Variants in CERKL observed in about 807,000 individuals in gnomAD.
CERKL encodes ceramide kinase-like protein.
Under a neutral mutation model 63.4 loss-of-function variants are expected in CERKL, and 61 were observed. The ratio of observed to expected loss-of-function variants is 0.96; its 90% CI spans 0.78 to 1.19. The LOEUF is 1.19. Among genes scored for constraint, CERKL ranks in the 50% most tolerant of loss-of-function variants. The probability of loss-of-function intolerance (pLI) is 0.00; values close to 1 mark genes in which losing one functional copy is unlikely to be tolerated. For synonymous variants in CERKL, 250 were observed against 230.5 expected (o/e 1.08, Z -0.77); for missense variants, 675 against 655.5 (o/e 1.03, Z -0.33).
chr2:181,546,328 T>C (rs1035089591), intron 10 of CERKL, among the ~76,000 whole-genome samples: 3 of 152,200 alleles, frequency 2.0e-5, no homozygotes, highest in Non-Finnish European at 2.9e-5. Flanking sequence ...CAGGGTTAGA[T>C]AAACATTGTC....
At chr2:181,627,858 C>G (rs1686780112) in intron 1 of CERKL, among the ~76,000 whole-genome samples, 1 of 152,168 alleles carries the variant, frequency 6.6e-6, no homozygotes, top group Non-Finnish European at 1.5e-5. Flanking sequence ...TTATTAGTCA[C>G]CATCTTTTCT....
intron 1 of CERKL, among the ~76,000 whole-genome samples, chr2:181,641,478 C>T (rs1295472889): frequency 3.3e-5 from 5 of 151,720 alleles, no homozygotes; most frequent in South Asian, 2.1e-4. Flanking sequence ...TATGAGCTAC[C>T]GTGGCCAGCC....
At chr2:181,596,221 T>G (rs955123929) in intron 2 of CERKL, among the ~76,000 whole-genome samples, 2 of 152,210 alleles carry the variant, frequency 1.3e-5, no homozygotes, top group Non-Finnish European at 2.9e-5. Context: ...ACTTCTTAAC[T>G]CTTATTCTCA....
At chr2:181,621,754 T>A (rs932247296) in intron 1 of CERKL, among the ~76,000 whole-genome samples, 1 of 152,212 alleles carries the variant, frequency 6.6e-6, no homozygotes, top group Non-Finnish European at 1.5e-5. Flanking sequence ...AGGTACATTA[T>A]GTAGCATGTA....
chr2:181,573,906 A>G (rs1247080733), intron 2 of CERKL, 22 bp from the exon 3 acceptor site: 3 of 1,609,342 alleles, frequency 1.9e-6, no homozygotes, highest in East Asian at 2.2e-5. Flanking sequence ...TTTTAAAGAC[A>G]AAGTTGTAAA....
chr2:181,596,312 C>A (rs963984059), intron 2 of CERKL, among the ~76,000 whole-genome samples: 3 of 152,070 alleles, frequency 2.0e-5, no homozygotes, highest in African/African-American at 7.2e-5. Flanking sequence ...ATAATTATGA[C>A]CAATTACATG....
intron 1 of CERKL, among the ~76,000 whole-genome samples, chr2:181,638,643 T>C (rs1348094548): frequency 6.6e-6 from 1 of 152,190 alleles, no homozygotes; most frequent in Non-Finnish European, 1.5e-5. Flanking sequence ...ATGAGTGTAG[T>C]CATTATAATG....
At chr2:181,540,609 C>G (rs1388001699) in intron 11 of CERKL, among the ~76,000 whole-genome samples, 2 of 152,158 alleles carry the variant, frequency 1.3e-5, no homozygotes, top group Admixed American at 6.6e-5. Context: ...CAAGAATTGA[C>G]AGCCACCACC....
At chr2:181,538,954 CTT>C in intron 12 of CERKL, 136 bp downstream of exon 12, 1 of 696,648 alleles carries the variant, frequency 1.4e-6, no homozygotes, top group Admixed American at 2.3e-5. Flanking sequence ...GTGCATGTCT[CTT>C]TATGCTTCCC....
intron 1 of CERKL, among the ~76,000 whole-genome samples, chr2:181,628,966 A>G (rs1165048318): frequency 6.6e-6 from 1 of 152,236 alleles, no homozygotes; most frequent in Non-Finnish European, 1.5e-5. Flanking sequence ...TCTACTTTAG[A>G]GAGAATGACT....
intron 2 of CERKL, among the ~76,000 whole-genome samples, chr2:181,594,680 T>C (rs1306040680): frequency 1.3e-5 from 2 of 152,152 alleles, no homozygotes; most frequent in East Asian, 3.8e-4. Context: ...TCAAAATATA[T>C]AATTTTACAC....
chr2:181,638,668 G>A lies in CERKL; in HGVS notation c.238+18101C>T, dbSNP rs559560460. ...TCATTATAATGGCCACCAGGGATTC[G>A]TACCCTCAAGCTCCACCTCAACTTC... On this transcript the variant is annotated intron_variant, in intron 1 of 12. Coordinates refer to ENST00000410087, the MANE Select transcript of CERKL (RefSeq NM_201548.5). Among the ~76,000 whole-genome samples, 7 of 152,252 alleles carry A rather than the reference G, an allele frequency of 4.6e-5. No individual in the cohort carries two copies. The East Asian group carries it at 5.8e-4, about 13-fold the overall frequency.
chr2:181,639,990 C>T lies in CERKL; in HGVS notation c.238+16779G>A, dbSNP rs1687350013. Among the ~76,000 whole-genome samples, 3 of 152,066 alleles carry T rather than the reference C, an allele frequency of 2.0e-5. No homozygotes were observed. In the South Asian group the frequency reaches 6.2e-4, roughly 31 times the overall value. Reference sequence around the variant, plus strand: ...AATCTAGGAATGTACATGGGAATTCCCTGATGCCAGCTGGTACATTATTTT... The same window carrying T: ...AATCTAGGAATGTACATGGGAATTCTCTGATGCCAGCTGGTACATTATTTT... On this transcript the variant is annotated intron_variant, in intron 1 of 12. Transcript: ENST00000410087.
intron 4 of CERKL, among the ~76,000 whole-genome samples, chr2:181,563,569 T>C: frequency 6.6e-6 from 1 of 151,096 alleles, no homozygotes; most frequent in East Asian, 2.0e-4. Flanking sequence ...TTTGAGTCTG[T>C]CTCTCATCAA....
At chr2:181,588,795 C>T (rs534501870) in intron 2 of CERKL, among the ~76,000 whole-genome samples, 11 of 152,154 alleles carry the variant, frequency 7.2e-5, no homozygotes, top group Admixed American at 2.0e-4. Context: ...AAGTGTGAGG[C>T]GATATCTCAC....
rs143157602 is a variant in CERKL, at chr2:181,603,956, G to A, written c.362C>T (p.Thr121Ile). Residue 121 changes from threonine (T) to isoleucine (I), a missense_variant, in exon 2 of 13, where the codon ACA becomes ATA. Thr to Ile is a moderately conservative substitution (Grantham distance 89). Coordinates refer to ENST00000410087, the MANE Select transcript of CERKL (RefSeq NM_201548.5). Reference sequence around the variant, plus strand: ...TTCCTTTTTCAAGCAGATGAAGAGTGTGATACCTAATAAAGTACCACTTCT... The same window carrying A: ...TTCCTTTTTCAAGCAGATGAAGAGTATGATACCTAATAAAGTACCACTTCT... ...QQRSGTLLGITLFICLKKEQN... is the reference protein window; with the variant it reads ...QQRSGTLLGIILFICLKKEQN... 6.5e-5 allele frequency: 105 copies of A among 1,613,260 alleles called. No homozygotes were observed. In the African/African-American group the frequency reaches 1.2e-3, roughly 18 times the overall value.
chr2:181,590,597 A>G (rs557680903), intron 2 of CERKL, among the ~76,000 whole-genome samples: 2 of 152,330 alleles, frequency 1.3e-5, no homozygotes, highest in Admixed American at 6.5e-5. Context: ...AAAAAAACCA[A>G]AAGTATTATG....
At chr2:181,608,727 AC>A (rs780432175) in intron 1 of CERKL, among the ~76,000 whole-genome samples, 46 of 152,348 alleles carry the variant, frequency 3.0e-4, no homozygotes, top group Non-Finnish European at 6.2e-4. Context: ...TCTAGTCAGT[AC>A]ATAAGGAAAG....
intron 4 of CERKL, chr2:181,565,428 C>T (rs1688621344): frequency 6.2e-7 from 1 of 1,607,336 alleles, no homozygotes; most frequent in South Asian, 1.1e-5. Context: ...ATTTATATCA[C>T]TTGCCTTGGT....
Sources: gnomAD v4.1 joint callset for allele counts (sites outside exome capture counted in the v4.1 genomes callset) on GRCh38, gnomAD v4.1.1 for gene constraint, MANE v1.5 for transcripts, NCBI Gene and HGNC (gene_info 2026-07-23, HGNC 2026-07-21) for gene names.